PRDM15: variants seen among roughly 807,000 people sequenced by gnomAD.
PRDM15 encodes PR domain zinc finger protein 15.
Under a neutral mutation model 128.6 loss-of-function variants are expected in PRDM15, and 64 were observed. The ratio of observed to expected loss-of-function variants is 0.50; its 90% CI spans 0.41 to 0.61. PRDM15 has a LOEUF of 0.61. PRDM15 is among the 20% of genes least tolerant of loss of function. The probability of loss-of-function intolerance (pLI) is 0.00; values close to 1 mark genes in which losing one functional copy is unlikely to be tolerated. For synonymous variants in PRDM15, 615 were observed against 621.8 expected, an observed-to-expected ratio of 0.99 and a Z score of 0.16; for missense variants, 1,242 against 1,569.1, an observed-to-expected ratio of 0.79 and a Z score of 3.52.
chr21:41,801,235 G>GC lies in PRDM15; in HGVS notation c.*4dup, dbSNP rs779463468. ...GTTCTTGCCCCGAGTCTCCCGGAACGCAGCTCAGTAGCTGTACATCTGCTG... is the reference window on the plus strand; with the variant it reads ...GTTCTTGCCCCGAGTCTCCCGGAACGCCAGCTCAGTAGCTGTACATCTGCTG... On this transcript the variant is annotated 3_prime_UTR_variant, in exon 24 of 24. Transcript: ENST00000398548. 19 of 1,513,810 alleles carry GC rather than the reference G, an allele frequency of 1.3e-5. No homozygotes were observed. The highest frequency in any genetic ancestry group is 1.7e-5 in the Non-Finnish European group (19 of 1,134,606). The allele number at this position is 1,513,810 out of a possible 1,614,324, so 93.8% of individuals were successfully genotyped here. A position where few individuals can be genotyped will look rare whatever the true frequency, so the allele number is the denominator to read the frequency against.
chr21:41,871,820 G>A (rs1028050370), intron 1 of PRDM15: 6 of 562,282 alleles, frequency 1.1e-5, no homozygotes, highest in African/African-American at 7.5e-5. Flanking sequence ...GGCTCAGGAC[G>A]TGCAGACACA....
At position 41,857,253 on chromosome 21, in the gene PRDM15, C is replaced by T. The variant is rs749872177; in HGVS notation, c.208G>A (p.Val70Ile). 1.2e-5 allele frequency: 20 copies of T among 1,613,772 alleles called. No homozygotes were observed. The highest frequency in any genetic ancestry group is 5.5e-5 in the South Asian group (5 of 91,074). ...AAGGGACCGAACTGTGTCCGCTTGA[C>T]GAGCTGAGTGATGGCGAACACCCCC... ...AEGVFAITQLVKRTQFGPFES... is the reference protein window; with the variant it reads ...AEGVFAITQLIKRTQFGPFES... The change falls in exon 4 of 24, where the codon GTC becomes ATC. Residue 70 changes from valine to isoleucine, a missense_variant. Physicochemically the swap from Val to Ile is conservative, Grantham distance 29. This residue lies in a region of PRDM15 where 612 missense variants were observed against 717.0 expected (regional missense o/e 0.85). Transcript: ENST00000398548.
intron 1 of PRDM15, chr21:41,861,460 C>T: frequency 1.0e-6 from 1 of 1,004,760 alleles, no homozygotes; most frequent in Non-Finnish European, 1.5e-6. Flanking sequence ...TAAAAACACC[C>T]ACCTCATGCA....
At chr21:41,838,816 C>T (rs767527037) in intron 7 of PRDM15, among the ~76,000 whole-genome samples, 3 of 152,242 alleles carry the variant, frequency 2.0e-5, no homozygotes, top group Non-Finnish European at 4.4e-5. Context: ...ACAATGGCTG[C>T]TCTTCCCAAT....
intron 11 of PRDM15, among the ~76,000 whole-genome samples, chr21:41,835,160 G>A (rs1033704969): frequency 2.6e-5 from 4 of 152,142 alleles, no homozygotes; most frequent in African/African-American, 4.8e-5. Context: ...TAGCCAGAAC[G>A]GACCCCGGCT....
At position 41,821,666 on chromosome 21, in the gene PRDM15, G is replaced by A. The variant is rs547676651; in HGVS notation, c.1896+237C>T. Among the ~76,000 whole-genome samples the A allele has an allele frequency of 1.3e-5, 2 of 152,314 alleles. No homozygotes were observed. Among genetic ancestry groups the A allele is most frequent in the East Asian group, 1.9e-4 (1 of 5,176 alleles). ...CGTGTCACAAGGCAAGTTCCTGGAGGGCGCCTGTGAGACCCACACAGACCG... is the reference window on the plus strand; with the variant it reads ...CGTGTCACAAGGCAAGTTCCTGGAGAGCGCCTGTGAGACCCACACAGACCG... On this transcript the variant is annotated intron_variant, in intron 15 of 23. Transcript: ENST00000398548. The surrounding 1 kb of genome is among the most constrained non-coding windows in gnomAD (Gnocchi z 5.4).
rs138397125 is a variant in PRDM15, at chr21:41,835,984, T to TC, written c.1278+128dup. On this transcript the variant is annotated intron_variant, in intron 10 of 23. Coordinates refer to ENST00000398548, the MANE Select transcript of PRDM15 (RefSeq NM_001040424.3). ...CACAGCCCCCGCCCACTCTCCTCCCTCCCCCACAGCCCCCGCCCACTCTCC... is the reference window on the plus strand; with the variant it reads ...CACAGCCCCCGCCCACTCTCCTCCCTCCCCCCACAGCCCCCGCCCACTCTCC... 293 of 145,498 alleles carry TC rather than the reference T, an allele frequency of 2.0e-3. 11 individuals are homozygous for TC. In the African/African-American group the frequency reaches 0.023, roughly 12 times the overall value. The allele number at this position is 145,498 out of a possible 1,614,324, so 9.0% of individuals were successfully genotyped here. A position where few individuals can be genotyped will look rare whatever the true frequency, so the allele number is the denominator to read the frequency against.
intron 14 of PRDM15, 168 bp downstream of exon 14, chr21:41,823,150 A>G (rs1450676400): frequency 4.6e-6 from 4 of 870,660 alleles, no homozygotes; most frequent in Non-Finnish European, 7.3e-6. Flanking sequence ...GCCTCGCCAG[A>G]CACCGAATCT....
chr21:41,833,196 C>T (rs2062755324), intron 11 of PRDM15, among the ~76,000 whole-genome samples: 2 of 152,184 alleles, frequency 1.3e-5, no homozygotes, highest in African/African-American at 4.8e-5. Flanking sequence ...TGGTCAGACA[C>T]AGCACAAGGA....
Position 41,821,260 on chromosome 21 carries a change from AC to A in PRDM15, c.1897-31del, listed in dbSNP as rs1191611013. 1 of 1,612,912 alleles carries A rather than the reference AC, an allele frequency of 6.2e-7. No homozygotes were observed. Among genetic ancestry groups the A allele is most frequent in the Non-Finnish European group, 8.5e-7 (1 of 1,179,686 alleles). On this transcript the variant is annotated intron_variant, in intron 15 of 23. Coordinates refer to ENST00000398548, the MANE Select transcript of PRDM15 (RefSeq NM_001040424.3). This position sits in a 1 kb window ranked among gnomAD's most constrained non-coding sequence, Gnocchi z 5.4. ...GGGCCAGGTGGACAGGGCACTGCTG[AC>A]ACCCGCATGAGGTCCCTGGTCCTCT...
At position 41,854,424 on chromosome 21, in the gene PRDM15, C is replaced by CA; in HGVS notation, c.538+141dup. On this transcript the variant is annotated intron_variant, in intron 5 of 23. Coordinates refer to ENST00000398548, the MANE Select transcript of PRDM15 (RefSeq NM_001040424.3). The surrounding 1 kb of genome is among the most constrained non-coding windows in gnomAD (Gnocchi z 4.6). ...AAGCAGAAAGACAGACCCGACTCTC[C>CA]ACTCCTCCACTCTCCGCATCCCAGC... is the stretch of plus-strand genomic sequence containing the variant. 9.4e-7 allele frequency: 1 copy of CA among 1,064,882 alleles called. No individual in the cohort carries two copies. Among genetic ancestry groups the CA allele is most frequent in the East Asian group, 2.6e-5 (1 of 38,276 alleles). The allele number at this position is 1,064,882 out of a possible 1,614,324, so 66.0% of individuals were successfully genotyped here.
chr21:41,865,543 A>C (rs964316469), intron 1 of PRDM15, among the ~76,000 whole-genome samples: 2 of 152,146 alleles, frequency 1.3e-5, no homozygotes, highest in African/African-American at 4.8e-5. Context: ...GGTCCACCCC[A>C]GGCACAGCCA....
At chr21:41,841,787 A>AT (rs948640310) in intron 6 of PRDM15, among the ~76,000 whole-genome samples, 6 of 152,158 alleles carry the variant, frequency 3.9e-5, no homozygotes, top group African/African-American at 1.4e-4. Flanking sequence ...TATCCCTGTG[A>AT]TTTTTTAGTC....
chr21:41,823,155 G>A (rs968118267), intron 14 of PRDM15, 163 bp downstream of exon 14: 18 of 900,294 alleles, frequency 2.0e-5, no homozygotes, highest in Non-Finnish European at 2.3e-5. Flanking sequence ...GCCAGACACC[G>A]AATCTATGGG....
chr21:41,866,332 T>C (rs1033832505), intron 1 of PRDM15, among the ~76,000 whole-genome samples: 9 of 152,240 alleles, frequency 5.9e-5, no homozygotes, highest in Non-Finnish European at 1.5e-5. Context: ...TTTAAACTTT[T>C]ATATTATTGT....
chr21:41,851,463 G>A (rs1568985309), intron 5 of PRDM15, among the ~76,000 whole-genome samples: 1 of 152,230 alleles, frequency 6.6e-6, no homozygotes, highest in Non-Finnish European at 1.5e-5. Context: ...CTCTAGAAGC[G>A]CCACTGTGCC....
At chr21:41,818,488 G>A (rs559518093) in intron 18 of PRDM15, among the ~76,000 whole-genome samples, 4 of 152,004 alleles carry the variant, frequency 2.6e-5, no homozygotes, top group South Asian at 2.1e-4. Context: ...CCGTCCTTGC[G>A]CAAAGTTACC....
rs554983984 is a variant in PRDM15, at chr21:41,799,033, T to A, written c.*2207A>T. 2.0e-5 allele frequency: 3 copies of A among 152,362 alleles called. No individual in the cohort carries two copies. Among genetic ancestry groups the A allele is most frequent in the Non-Finnish European group, 2.9e-5 (2 of 68,038 alleles). The allele number at this position is 152,362 out of a possible 1,614,324, so 9.4% of individuals were successfully genotyped here. A position where few individuals can be genotyped will look rare whatever the true frequency, so the allele number is the denominator to read the frequency against. ...CTGTGTATTGAGATAAACAGTGGTA[T>A]ATACCACACAATCTAAATTAGGTTC... is the stretch of plus-strand genomic sequence containing the variant. On this transcript the variant is annotated 3_prime_UTR_variant, in exon 24 of 24. Coordinates refer to ENST00000398548, the MANE Select transcript of PRDM15 (RefSeq NM_001040424.3).
Position 41,864,053 on chromosome 21 carries a change from A to G in PRDM15, c.-9-3681T>C, listed in dbSNP as rs540141367. ...GAGACGGGGTTTCACCATGTTGGCC[A>G]GGAGGGCCTCGATCTCTTGACCTCG... On this transcript the variant is annotated intron_variant, in intron 1 of 23. Coordinates refer to ENST00000398548, the MANE Select transcript of PRDM15 (RefSeq NM_001040424.3). 9.8e-5 allele frequency among the ~76,000 whole-genome samples: 15 copies of G among 152,318 alleles called. No individual in the cohort carries two copies. In the East Asian group the frequency reaches 1.9e-3, roughly 20 times the overall value.
Sources: gnomAD v4.1 joint callset for allele counts (sites outside exome capture counted in the v4.1 genomes callset) on GRCh38, gnomAD v4.1.1 for gene constraint, gnomAD v4.1.1 regional missense constraint, Gnocchi (gnomAD v3.1) non-coding constraint, MANE v1.5 for transcripts, NCBI Gene and HGNC (gene_info 2026-07-23, HGNC 2026-07-21) for gene names.